Variants in CATSPERQ observed in about 807,000 individuals in gnomAD.
CATSPERQ encodes the protein catsper channel auxiliary subunit theta.
the CATSPERQ span, chr8:144,353,904 G>A: frequency 3.9e-6 from 6 of 1,528,938 alleles, no homozygotes; most frequent in South Asian, 1.2e-5. Context: ...CCGCCCCTCC[G>A]ACCTCCCAAG....
chr8:144,354,092 G>A, the CATSPERQ span: 10 of 1,535,362 alleles, frequency 6.5e-6, no homozygotes, highest in African/African-American at 1.4e-5. The surrounding 1 kb of genome is among the most constrained non-coding windows in gnomAD (Gnocchi z 4.6). Flanking sequence ...GAGATCACGA[G>A]CCACAGGCCC....
chr8:144,354,657 C>T, the CATSPERQ span: 22 of 1,531,960 alleles, frequency 1.4e-5, no homozygotes, highest in Non-Finnish European at 1.8e-5. The surrounding 1 kb of genome is among the most constrained non-coding windows in gnomAD (Gnocchi z 4.6). Context: ...AGCTATTGTT[C>T]TTGAGGCGTC....
the CATSPERQ span, chr8:144,353,950 TTACCATCGGAGCTGAGCGCCA>T: frequency 6.5e-7 from 1 of 1,530,668 alleles, no homozygotes; most frequent in Non-Finnish European, 8.7e-7. Flanking sequence ...TCCCGGCCCG[TTACCATCGGAGCTGAGCGCCA>T]GGCGCACGTA....
At chr8:144,353,957 C>T in the CATSPERQ span, 109 of 1,531,282 alleles carry the variant, frequency 7.1e-5, no homozygotes, top group Non-Finnish European at 9.0e-5. Flanking sequence ...CCGTTACCAT[C>T]GGAGCTGAGC....
At chr8:144,354,160 C>T in the CATSPERQ span, 32 of 1,535,842 alleles carry the variant, frequency 2.1e-5, no homozygotes, top group Non-Finnish European at 2.6e-5. This position sits in a 1 kb window ranked among gnomAD's most constrained non-coding sequence, Gnocchi z 4.6. Flanking sequence ...CTGCGGGCGC[C>T]ACGCGGAGAG....
the CATSPERQ span, chr8:144,353,293 G>A: frequency 6.8e-7 from 1 of 1,470,306 alleles, no homozygotes; most frequent in Non-Finnish European, 9.0e-7. Context: ...CTGCCCCAGA[G>A]TGGGGCTGGG....
chr8:144,354,417 G>A, the CATSPERQ span: 1 of 1,408,950 alleles, frequency 7.1e-7, no homozygotes, highest in Non-Finnish European at 9.5e-7. The surrounding 1 kb of genome is among the most constrained non-coding windows in gnomAD (Gnocchi z 4.6). Flanking sequence ...GACTAGCTGG[G>A]TCCGCGCAGG....
chr8:144,353,558 C>T, the CATSPERQ span: 2 of 1,516,394 alleles, frequency 1.3e-6, no homozygotes, highest in African/African-American at 1.4e-5. Flanking sequence ...CAACTGGGGC[C>T]GGGACAGGAC....
At chr8:144,354,348 G>A in the CATSPERQ span, 3 of 1,530,838 alleles carry the variant, frequency 2.0e-6, no homozygotes, top group Middle Eastern at 2.3e-4. This position sits in a 1 kb window ranked among gnomAD's most constrained non-coding sequence, Gnocchi z 4.6. Context: ...GTGGCGCGGC[G>A]CGTGAGGACG....
chr8:144,353,690 G>C, the CATSPERQ span: 1 of 1,500,064 alleles, frequency 6.7e-7, no homozygotes, highest in South Asian at 1.2e-5. Flanking sequence ...TTTACCCTCT[G>C]CGTGCGGAAA....
chr8:144,353,457 G>C, the CATSPERQ span: 3 of 1,535,868 alleles, frequency 2.0e-6, no homozygotes, highest in Non-Finnish European at 2.6e-6. Context: ...GTGCCGGTAG[G>C]AGGTGGCCAG....
At chr8:144,354,557 C>A in the CATSPERQ span, 1 of 751,320 alleles carries the variant, frequency 1.3e-6, no homozygotes, top group Non-Finnish European at 2.1e-6. The surrounding 1 kb of genome is among the most constrained non-coding windows in gnomAD (Gnocchi z 4.6). Context: ...CGTCTCCCTC[C>A]TCCCCCGCCC....
chr8:144,353,751 G>A, the CATSPERQ span: 78 of 1,534,990 alleles, frequency 5.1e-5, no homozygotes, highest in East Asian at 3.4e-4. Flanking sequence ...GTGTCCTGAG[G>A]AGGGCGCGTG....
the CATSPERQ span, chr8:144,354,340 G>T: frequency 2.0e-6 from 3 of 1,532,546 alleles, no homozygotes. This position sits in a 1 kb window ranked among gnomAD's most constrained non-coding sequence, Gnocchi z 4.6. Flanking sequence ...GACTGGGGGT[G>T]GCGCGGCGCG....
the CATSPERQ span, chr8:144,354,577 CA>C: frequency 3.8e-6 from 3 of 797,568 alleles, no homozygotes; most frequent in South Asian, 1.7e-5. This position sits in a 1 kb window ranked among gnomAD's most constrained non-coding sequence, Gnocchi z 4.6. Flanking sequence ...CCGCCCTTCC[CA>C]GCCCCGCCCC....
chr8:144,354,122 G>A, the CATSPERQ span: 2 of 1,534,940 alleles, frequency 1.3e-6, no homozygotes, highest in Admixed American at 3.9e-5. This position sits in a 1 kb window ranked among gnomAD's most constrained non-coding sequence, Gnocchi z 4.6. Context: ...CCGTACACGA[G>A]GAAGACCCAG....
the CATSPERQ span, chr8:144,354,558 T>TA: frequency 1.3e-3 from 657 of 504,112 alleles, no homozygotes; most frequent in Non-Finnish European, 1.9e-3. This position sits in a 1 kb window ranked among gnomAD's most constrained non-coding sequence, Gnocchi z 4.6. Context: ...GTCTCCCTCC[T>TA]CCCCCGCCCC....
chr8:144,354,914 G>A, the CATSPERQ span: 2 of 1,322,190 alleles, frequency 1.5e-6, no homozygotes, highest in East Asian at 2.5e-5. This position sits in a 1 kb window ranked among gnomAD's most constrained non-coding sequence, Gnocchi z 4.6. Context: ...ACAGGGCAGC[G>A]AGGCCAGGGA....
the CATSPERQ span, chr8:144,354,171 T>C: frequency 1.3e-6 from 2 of 1,538,788 alleles, no homozygotes; most frequent in South Asian, 2.4e-5. The surrounding 1 kb of genome is among the most constrained non-coding windows in gnomAD (Gnocchi z 4.6). Context: ...ACGCGGAGAG[T>C]CTGAGCGGCG....
Sources: gnomAD v4.1 joint callset for allele counts on GRCh38, gnomAD v4.1.1 for gene constraint, Gnocchi (gnomAD v3.1) non-coding constraint, MANE v1.5 for transcripts, NCBI Gene and HGNC (gene_info 2026-07-23, HGNC 2026-07-21) for gene names.